GABRB2: variants seen among roughly 807,000 people sequenced by gnomAD.
GABRB2 encodes gamma-aminobutyric acid receptor subunit beta-2.
A neutral mutation model predicts 54.7 loss-of-function variants in GABRB2; 16 were observed. The ratio of observed to expected loss-of-function variants is 0.29; its 90% CI spans 0.20 to 0.44. GABRB2 has a LOEUF of 0.44. Among genes scored for constraint, GABRB2 ranks in the 20% least tolerant of loss-of-function variants. GABRB2 has a pLI of 1.00. For missense variants in GABRB2, 355 were observed against 644.0 expected (o/e 0.55, Z 4.86); for synonymous variants, 244 against 233.8 (o/e 1.04, Z -0.40).
chr5:161,332,165 CAAAA>C (rs5872708), intron 7 of GABRB2, among the ~76,000 whole-genome samples: 4 of 69,448 alleles, frequency 5.8e-5, no homozygotes, highest in African/African-American at 1.6e-4. Context: ...GACTCCGTCT[CAAAA>C]AAAAAAAAAA....
chr5:161,360,008 G>C (rs59062677), intron 5 of GABRB2, among the ~76,000 whole-genome samples: 9,300 of 152,056 alleles, frequency 0.061, 683 homozygotes, highest in East Asian at 0.17. Flanking sequence ...TTGAACCCCG[G>C]AGGCGGAGGT....
At chr5:161,498,400 T>A (rs1759322550) in intron 3 of GABRB2, among the ~76,000 whole-genome samples, 1 of 152,044 alleles carries the variant, frequency 6.6e-6, no homozygotes, top group Non-Finnish European at 1.5e-5. Flanking sequence ...TTCTATTCTG[T>A]ATCTATTGGC....
intron 5 of GABRB2, among the ~76,000 whole-genome samples, chr5:161,352,680 T>C (rs1754511038): frequency 6.6e-6 from 1 of 151,978 alleles, no homozygotes; most frequent in Admixed American, 6.6e-5. Context: ...TGCTTGAAAA[T>C]TGCTGAGAAT....
chr5:161,485,620 G>A (rs1046420104), intron 3 of GABRB2, among the ~76,000 whole-genome samples: 13 of 151,784 alleles, frequency 8.6e-5, no homozygotes, highest in African/African-American at 2.2e-4. Context: ...AATTCCCTTC[G>A]AAAATCAGCC....
At chr5:161,398,013 TGATA>T (rs67936445) in intron 5 of GABRB2, among the ~76,000 whole-genome samples, 98,140 of 150,982 alleles carry the variant, frequency 0.65, 33,086 homozygotes, top group South Asian at 0.76. Flanking sequence ...GGTAGATAGA[TGATA>T]GATAGATAGA....
intron 3 of GABRB2, among the ~76,000 whole-genome samples, chr5:161,476,683 A>G (rs1758600598): frequency 6.6e-6 from 1 of 151,880 alleles, no homozygotes; most frequent in South Asian, 2.1e-4. Context: ...AAGACTACCC[A>G]ATAAAGATGA....
At chr5:161,327,368 T>C (rs1313759380) in intron 8 of GABRB2, among the ~76,000 whole-genome samples, 4 of 152,144 alleles carry the variant, frequency 2.6e-5, no homozygotes, top group Admixed American at 1.3e-4. Flanking sequence ...AGTTTTTGTT[T>C]GTTTTTTACT....
At chr5:161,475,480 C>T (rs1232352306) in intron 3 of GABRB2, among the ~76,000 whole-genome samples, 1 of 151,860 alleles carries the variant, frequency 6.6e-6, no homozygotes, top group Non-Finnish European at 1.5e-5. Context: ...ATGTGGCCAG[C>T]ATTACACTAA....
intron 9 of GABRB2, among the ~76,000 whole-genome samples, chr5:161,302,622 A>G (rs1757571240): frequency 6.6e-6 from 1 of 152,198 alleles, no homozygotes; most frequent in South Asian, 2.1e-4. Flanking sequence ...CTAACTGTGA[A>G]ATTTCCAGTT....
chr5:161,326,867 C>T, intron 8 of GABRB2: 1 of 443,932 alleles, frequency 2.3e-6, no homozygotes, highest in Non-Finnish European at 3.0e-6. Context: ...GTGCAAATAC[C>T]ACGGTGGTAA....
intron 5 of GABRB2, among the ~76,000 whole-genome samples, chr5:161,369,558 C>T (rs1033895811): frequency 3.5e-5 from 5 of 142,084 alleles, no homozygotes; most frequent in Admixed American, 2.8e-4. Flanking sequence ...GAGAGAGAGA[C>T]TGATGTCCCC....
At chr5:161,419,431 C>T (rs1369473295) in intron 4 of GABRB2, among the ~76,000 whole-genome samples, 1 of 152,016 alleles carries the variant, frequency 6.6e-6, no homozygotes, top group Non-Finnish European at 1.5e-5. Flanking sequence ...ATAGAGCTAC[C>T]AACCAACCAA....
chr5:161,377,648 A>C (rs1216290179), intron 5 of GABRB2, among the ~76,000 whole-genome samples: 1 of 152,134 alleles, frequency 6.6e-6, no homozygotes, highest in African/African-American at 2.4e-5. Context: ...GGGTTACTTT[A>C]AACTGGAAAG....
chr5:161,490,082 A>G lies in GABRB2; in HGVS notation c.238-30238T>C, dbSNP rs949088903. 4.6e-5 allele frequency among the ~76,000 whole-genome samples: 7 copies of G among 151,844 alleles called. No homozygotes were observed. The East Asian group carries it at 1.2e-3, about 25-fold the overall frequency. On this transcript the variant is annotated intron_variant, in intron 3 of 9. Transcript: ENST00000393959. The stretch of plus-strand genomic sequence containing the variant: ...ATCTGCCCTACATATAAATGTTTTC[A>G]GCAAAAATATTGTCTCAGCTGTAAA...
chr5:161,434,383 A>T (rs956808304), intron 4 of GABRB2, among the ~76,000 whole-genome samples: 2 of 152,222 alleles, frequency 1.3e-5, no homozygotes, highest in African/African-American at 4.8e-5. Flanking sequence ...GATTAAAATT[A>T]TCAGTGACAT....
chr5:161,348,627 A>G (rs1754383948), intron 5 of GABRB2, among the ~76,000 whole-genome samples: 3 of 152,106 alleles, frequency 2.0e-5, no homozygotes, highest in African/African-American at 7.2e-5. Context: ...ACAGTTCCAA[A>G]GGATCTATAA....
chr5:161,541,381 T>C (rs775505836), intron 3 of GABRB2, among the ~76,000 whole-genome samples: 1 of 152,214 alleles, frequency 6.6e-6, no homozygotes, highest in Non-Finnish European at 1.5e-5. Flanking sequence ...AAAGTCAACC[T>C]GTGCCTTGAA....
At chr5:161,355,695 G>A (rs1754602197) in intron 5 of GABRB2, among the ~76,000 whole-genome samples, 1 of 151,808 alleles carries the variant, frequency 6.6e-6, no homozygotes, top group Admixed American at 6.6e-5. Flanking sequence ...AAATCTATCA[G>A]ATTAGTAACT....
At chr5:161,310,905 C>T (rs1391775838) in intron 9 of GABRB2, among the ~76,000 whole-genome samples, 2 of 151,962 alleles carry the variant, frequency 1.3e-5, no homozygotes, top group African/African-American at 4.8e-5. Flanking sequence ...GGATTACAGG[C>T]GTCCACCACC....
Sources: gnomAD v4.1 joint callset for allele counts (sites outside exome capture counted in the v4.1 genomes callset) on GRCh38, gnomAD v4.1.1 for gene constraint, MANE v1.5 for transcripts, NCBI Gene and HGNC (gene_info 2026-07-23, HGNC 2026-07-21) for gene names.